Variants in CEP128 observed in about 807,000 individuals in gnomAD.
The protein encoded by CEP128 is centrosomal protein 128kDa.
Under a neutral mutation model 156.7 loss-of-function variants are expected in CEP128, and 132 were observed. That is an observed-to-expected ratio of 0.84 (90% CI 0.73 to 0.97). The LOEUF (loss-of-function observed/expected upper bound fraction) is 0.97. Ranked by LOEUF, CEP128 falls within the 50% of genes least tolerant of loss-of-function variation. The probability of loss-of-function intolerance (pLI) is 0.00; values close to 1 mark genes in which losing one functional copy is unlikely to be tolerated. For synonymous variants in CEP128, 469 were observed against 448.9 expected (o/e 1.04, Z -0.57); for missense variants, 1,252 against 1,281.9 (o/e 0.98, Z 0.36).
At chr14:80,828,175 G>A (rs1014872587) in intron 13 of CEP128, among the ~76,000 whole-genome samples, 1 of 145,138 alleles carries the variant, frequency 6.9e-6, no homozygotes, top group East Asian at 2.0e-4. Context: ...CCATTCTGGA[G>A]TGCAGTGGTG....
At chr14:80,895,221 A>G (rs1463215584) in intron 8 of CEP128, among the ~76,000 whole-genome samples, 1 of 152,092 alleles carries the variant, frequency 6.6e-6, no homozygotes, top group Non-Finnish European at 1.5e-5. Context: ...AAGATTGGGA[A>G]TTAGGAGTAT....
At chr14:80,919,376 A>G (rs1372299578) in intron 2 of CEP128, among the ~76,000 whole-genome samples, 1 of 152,230 alleles carries the variant, frequency 6.6e-6, no homozygotes. Flanking sequence ...TCTATCACCA[A>G]GAACTAATAA....
chr14:80,852,394 G>A (rs2140122402), intron 9 of CEP128, among the ~76,000 whole-genome samples: 2 of 151,596 alleles, frequency 1.3e-5, no homozygotes, highest in East Asian at 3.9e-4. Context: ...CAAAGCATAT[G>A]GTAATTTGGT....
chr14:80,936,604 C>T (rs1885821471), intron 2 of CEP128, among the ~76,000 whole-genome samples: 1 of 152,048 alleles, frequency 6.6e-6, no homozygotes. Context: ...TAACAAGATA[C>T]CAGAAACAAG....
At chr14:80,673,156 C>G (rs1016848372) in intron 19 of CEP128, among the ~76,000 whole-genome samples, 1 of 152,076 alleles carries the variant, frequency 6.6e-6, no homozygotes. Flanking sequence ...AATTTATAGT[C>G]TTAGCAAAAA....
intron 19 of CEP128, among the ~76,000 whole-genome samples, chr14:80,651,458 G>A (rs1430217730): frequency 6.6e-6 from 1 of 152,040 alleles, no homozygotes; most frequent in Non-Finnish European, 1.5e-5. Flanking sequence ...TCTTCTGCTA[G>A]CTTTTGAATT....
At chr14:80,862,209 C>T (rs535629974) in intron 9 of CEP128, among the ~76,000 whole-genome samples, 1 of 152,264 alleles carries the variant, frequency 6.6e-6, no homozygotes, top group Admixed American at 6.5e-5. Flanking sequence ...GCCATATATA[C>T]TTGTGGGCTA....
intron 23 of CEP128, among the ~76,000 whole-genome samples, chr14:80,521,523 C>T (rs1308842997): frequency 6.6e-6 from 1 of 152,136 alleles, no homozygotes; most frequent in African/African-American, 2.4e-5. Context: ...GGCAACCTTT[C>T]GTTTAATTTT....
chr14:80,779,116 G>A lies in CEP128; in HGVS notation c.2212-1070C>T, dbSNP rs911077766. 1.1e-3 allele frequency among the ~76,000 whole-genome samples: 173 copies of A among 152,284 alleles called. 1 individual carries two copies. The highest frequency in any genetic ancestry group is 3.9e-3 in the African/African-American group (164 of 41,552). On this transcript the variant is annotated intron_variant, in intron 15 of 24. Transcript: ENST00000555265. ...AAACCAACTGGGTGCAACTAGAAAT[G>A]CTAACAAAACACACCTACCAGTTGC...
intron 19 of CEP128, among the ~76,000 whole-genome samples, chr14:80,710,780 A>G (rs1566870629): frequency 6.6e-6 from 1 of 152,134 alleles, no homozygotes; most frequent in Non-Finnish European, 1.5e-5. Flanking sequence ...AAAAAATCAA[A>G]CGTGATTTTG....
intron 16 of CEP128, among the ~76,000 whole-genome samples, chr14:80,764,719 A>T (rs932507352): frequency 4.6e-5 from 7 of 152,150 alleles, no homozygotes; most frequent in Non-Finnish European, 1.0e-4. Context: ...CCACTAAATG[A>T]ACACAAGTGT....
chr14:80,499,845 A>G (rs1292106766), intron 24 of CEP128, among the ~76,000 whole-genome samples: 2 of 152,200 alleles, frequency 1.3e-5, no homozygotes, highest in Non-Finnish European at 1.5e-5. Flanking sequence ...CAAAAATGAC[A>G]GTTTCAAAAG....
chr14:80,478,199 G>A (rs1886981987), exon 15 of CEP128: 1 of 152,176 alleles, frequency 6.6e-6, no homozygotes, highest in Non-Finnish European at 1.5e-5. Flanking sequence ...TGGCTGGAGT[G>A]TAGAAACAGA....
intron 19 of CEP128, among the ~76,000 whole-genome samples, chr14:80,737,261 A>G (rs1038774211): frequency 1.3e-5 from 2 of 152,000 alleles, no homozygotes; most frequent in East Asian, 1.9e-4. Context: ...AAAATTAGCC[A>G]GGCGTGGTGG....
At chr14:80,591,936 T>C (rs961986497) in intron 19 of CEP128, among the ~76,000 whole-genome samples, 5 of 152,098 alleles carry the variant, frequency 3.3e-5, no homozygotes, top group African/African-American at 9.7e-5. Context: ...AAGGCTGAAA[T>C]AAAAAAGTTG....
chr14:80,619,300 C>T (rs1325490668), intron 19 of CEP128, among the ~76,000 whole-genome samples: 1 of 149,636 alleles, frequency 6.7e-6, no homozygotes, highest in African/African-American at 2.5e-5. Context: ...CTGGTACAAC[C>T]AAAACATAAG....
intron 4 of CEP128, among the ~76,000 whole-genome samples, chr14:80,912,215 C>CAA (rs77091923): frequency 3.0e-4 from 37 of 124,500 alleles, no homozygotes; most frequent in African/African-American, 5.2e-4. Context: ...GACTCCACCT[C>CAA]AAAAAAAAAA....
At chr14:80,609,484 T>G (rs931041837) in intron 19 of CEP128, among the ~76,000 whole-genome samples, 1 of 152,200 alleles carries the variant, frequency 6.6e-6, no homozygotes, top group Non-Finnish European at 1.5e-5. Context: ...CCCCATCCAC[T>G]GGGTATTTGG....
Position 80,673,522 on chromosome 14 carries a change from TGTA to T in CEP128, c.2806+69550_2806+69552del, listed in dbSNP as rs1895930678. The stretch of plus-strand genomic sequence containing the variant: ...TTAGCCGGGCGTAGTGGCGGGCGCC[TGTA>T]GTCCCAGCTACTTGGGAGGCTGAGG... On this transcript the variant is annotated intron_variant, in intron 19 of 24. Coordinates refer to ENST00000555265, the MANE Select transcript of CEP128 (RefSeq NM_152446.5). Among the ~76,000 whole-genome samples, 3 of 143,758 alleles carry T rather than the reference TGTA, an allele frequency of 2.1e-5. No homozygotes were observed. The South Asian group carries it at 6.8e-4, about 33-fold the overall frequency. 94.3% of individuals were successfully genotyped at this position (143,758 alleles called of 152,430 possible). A position where few individuals can be genotyped will look rare whatever the true frequency, so the allele number is the denominator to read the frequency against.
Sources: gnomAD v4.1 joint callset for allele counts (sites outside exome capture counted in the v4.1 genomes callset) on GRCh38, gnomAD v4.1.1 for gene constraint, MANE v1.5 for transcripts, NCBI Gene and HGNC (gene_info 2026-07-23, HGNC 2026-07-21) for gene names.